The following LIMK2 variants were observed in gnomAD, a reference collection of about 807,000 sequenced individuals.
The protein encoded by LIMK2 is LIM domain kinase 2.
In LIMK2, 35 loss-of-function variants were observed where a neutral mutation model predicts 75.7. The observed-to-expected ratio is 0.46, with a 90% CI of 0.35 to 0.61. LIMK2 has a LOEUF of 0.61. Among genes scored for constraint, LIMK2 ranks in the 20% least tolerant of loss-of-function variants. The pLI is 0.00. For missense variants in LIMK2, 623 were observed against 831.0 expected (o/e 0.75, Z 3.08); for synonymous variants, 301 against 319.2 (o/e 0.94, Z 0.61).
At chr22:31,229,034 A>C (rs545728334) in intron 2 of LIMK2, among the ~76,000 whole-genome samples, 5 of 152,158 alleles carry the variant, frequency 3.3e-5, no homozygotes, top group African/African-American at 9.7e-5. Context: ...ATATACACCT[A>C]TATGTATACA....
intron 4 of LIMK2, among the ~76,000 whole-genome samples, 158 bp downstream of exon 4, chr22:31,259,388 G>A (rs1208565435): frequency 6.6e-6 from 1 of 152,112 alleles, no homozygotes; most frequent in Non-Finnish European, 1.5e-5. Flanking sequence ...CTTGTAAGCA[G>A]AATGATTTAC....
In LIMK2 at chr22:31,272,478, C is replaced by T. The variant is rs2048969079; in HGVS notation, c.1384-52C>T. On this transcript the variant is annotated intron_variant, in intron 12 of 15. Transcript: ENST00000331728. ...TCTTGCCTATGCTTCCTCCCCAGGG[C>T]CAGGTTTGAGAACATCCCCATGAAG... 7.2e-6 allele frequency: 11 copies of T among 1,525,874 alleles called. No homozygotes were observed. The Admixed American group carries it at 1.2e-4, about 17-fold the overall frequency. The allele number at this position is 1,525,874 out of a possible 1,614,324, so 94.5% of individuals were successfully genotyped here. A position where few individuals can be genotyped will look rare whatever the true frequency, so the allele number is the denominator to read the frequency against.
At position 31,263,370 on chromosome 22, in the gene LIMK2, C is replaced by A. The variant is rs142401070; in HGVS notation, c.854+579C>A. Among the ~76,000 whole-genome samples, 94 of 152,242 alleles carry A rather than the reference C, an allele frequency of 6.2e-4. 2 individuals are homozygous for A. The East Asian group carries it at 0.014, about 23-fold the overall frequency. On this transcript the variant is annotated intron_variant, in intron 7 of 15. Transcript: ENST00000331728. The stretch of plus-strand genomic sequence containing the variant: ...GGGCTTCAGGCTGAGCTCCTCCCTT[C>A]ACAAATCACTTCATCTCTCTGAGCC...
rs12169968 is a variant in LIMK2 at position 31,246,775 on chromosome 22, A to C, written c.117-11516A>C. On this transcript the variant is annotated intron_variant, in intron 2 of 15. Coordinates refer to ENST00000331728, the MANE Select transcript of LIMK2 (RefSeq NM_005569.4). ...CCCTGACTCAAAAAAAAAAAAACAA[A>C]AAAAAAAAACACCCTCACCACTTAT... Among the ~76,000 whole-genome samples, 837 of 147,190 alleles carry C rather than the reference A, an allele frequency of 5.7e-3. 11 individuals are homozygous for C. The highest frequency in any genetic ancestry group is 0.021 in the African/African-American group (760 of 36,962).
chr22:31,246,179 G>GCACACACACACA (rs1341395963), intron 2 of LIMK2, among the ~76,000 whole-genome samples: 965 of 69,688 alleles, frequency 0.014, 9 homozygotes, highest in Middle Eastern at 0.046. Flanking sequence ...ACACACGCAC[G>GCACACACACACA]CACGCACACA....
chr22:31,227,265 T>A (rs1291160848), intron 2 of LIMK2, among the ~76,000 whole-genome samples: 1 of 152,244 alleles, frequency 6.6e-6, no homozygotes, highest in Non-Finnish European at 1.5e-5. Context: ...TGTGCCTATA[T>A]CCTGAGAATG....
At chr22:31,228,106 C>T (rs989749548) in intron 2 of LIMK2, among the ~76,000 whole-genome samples, 14 of 151,972 alleles carry the variant, frequency 9.2e-5, no homozygotes, top group African/African-American at 2.2e-4. Flanking sequence ...GAAGTAGACA[C>T]GTTAGCATGG....
At chr22:31,234,719 C>CAAA (rs35909225) in intron 2 of LIMK2, among the ~76,000 whole-genome samples, 9 of 68,448 alleles carry the variant, frequency 1.3e-4, no homozygotes, top group East Asian at 9.6e-4. Flanking sequence ...GACTCCATCT[C>CAAA]AAAAAAAAAA....
intron 2 of LIMK2, among the ~76,000 whole-genome samples, chr22:31,256,779 C>T (rs1458093898): frequency 1.3e-5 from 2 of 152,098 alleles, no homozygotes; most frequent in Non-Finnish European, 2.9e-5. Flanking sequence ...AGATTCAAAC[C>T]AAGCAATGTT....
At position 31,272,888 on chromosome 22, in the gene LIMK2, C is replaced by G. The variant is rs1054156843; in HGVS notation, c.1558+184C>G. On this transcript the variant is annotated intron_variant, in intron 13 of 15. Transcript: ENST00000331728. ...GCTCCTGAGCTCAGGGGGCTGGGAA[C>G]TGATCAGTGTCCCATCATGGGGGAT... The G allele has an allele frequency of 8.6e-6, 12 of 1,388,726 alleles. No individual in the cohort carries two copies. In the Admixed American group the frequency reaches 9.1e-5, roughly 11 times the overall value. 86.0% of individuals were successfully genotyped at this position (1,388,726 alleles called of 1,614,324 possible). A position where few individuals can be genotyped will look rare whatever the true frequency, so the allele number is the denominator to read the frequency against.
At chr22:31,256,984 G>T (rs1251197923) in intron 2 of LIMK2, among the ~76,000 whole-genome samples, 1 of 146,876 alleles carries the variant, frequency 6.8e-6, no homozygotes, top group Non-Finnish European at 1.5e-5. Flanking sequence ...GAACACACCA[G>T]ACTTTTGAGA....
At chr22:31,216,972 A>T (rs1372046654) in intron 1 of LIMK2, among the ~76,000 whole-genome samples, 1 of 152,206 alleles carries the variant, frequency 6.6e-6, no homozygotes, top group African/African-American at 2.4e-5. Context: ...TTTACATTGA[A>T]TAGTAACTAG....
In LIMK2 at chr22:31,269,787, AAGAG is replaced by A. The variant is rs1185124107; in HGVS notation, c.1318-1345_1318-1342del. 5.3e-5 allele frequency among the ~76,000 whole-genome samples: 8 copies of A among 151,736 alleles called. No homozygotes were observed. The East Asian group carries it at 1.4e-3, about 26-fold the overall frequency. ...AGACTTCATCTCAAAAAAAAAAAAA[AAGAG>A]AGACTGATATGGTTAGTACATTGGG... On this transcript the variant is annotated intron_variant, in intron 11 of 15. Transcript: ENST00000331728.
intron 2 of LIMK2, among the ~76,000 whole-genome samples, chr22:31,256,647 A>G (rs948734182): frequency 2.6e-5 from 4 of 152,060 alleles, no homozygotes; most frequent in African/African-American, 9.7e-5. Context: ...GCTGCTCTCT[A>G]TATTTTTAAT....
At chr22:31,256,061 C>T (rs1432620853) in intron 2 of LIMK2, among the ~76,000 whole-genome samples, 3 of 113,278 alleles carry the variant, frequency 2.6e-5, no homozygotes, top group Non-Finnish European at 5.0e-5. Flanking sequence ...TGCAGTGGTG[C>T]AATTTTGGGT....
rs2048693891 is a variant in LIMK2, at chr22:31,248,617, G to A, written c.117-9674G>A. The stretch of plus-strand genomic sequence containing the variant: ...GGGCAGCCTGCCTGCAGCCAGAGGT[G>A]CCGGGAGCCCCGGGCCTGTCATGGT... On this transcript the variant is annotated intron_variant, in intron 2 of 15. Coordinates refer to ENST00000331728, the MANE Select transcript of LIMK2 (RefSeq NM_005569.4). The A allele has an allele frequency of 3.1e-6, 5 of 1,611,614 alleles. No homozygotes were observed. The African/African-American group carries it at 4.0e-5, about 13-fold the overall frequency.
chr22:31,218,608 G>C (rs920735854), intron 1 of LIMK2, among the ~76,000 whole-genome samples: 1 of 152,152 alleles, frequency 6.6e-6, no homozygotes, highest in Non-Finnish European at 1.5e-5. Context: ...GGGTTACAGG[G>C]AGAGTATCTA....
intron 2 of LIMK2, among the ~76,000 whole-genome samples, chr22:31,252,016 G>T (rs1350104429): frequency 6.6e-6 from 1 of 152,220 alleles, no homozygotes; most frequent in Non-Finnish European, 1.5e-5. Flanking sequence ...CAGGACATGG[G>T]AGGGCTTATG....
intron 2 of LIMK2, chr22:31,248,497 A>T (rs1245235611): frequency 1.3e-6 from 2 of 1,541,294 alleles, no homozygotes; most frequent in Non-Finnish European, 1.7e-6. Context: ...GGGAGGAGCC[A>T]TCCCAGCCAT....
Sources: gnomAD v4.1 joint callset for allele counts (sites outside exome capture counted in the v4.1 genomes callset) on GRCh38, gnomAD v4.1.1 for gene constraint, MANE v1.5 for transcripts, NCBI Gene and HGNC (gene_info 2026-07-23, HGNC 2026-07-21) for gene names.